HS6ST2: variants seen among roughly 807,000 people sequenced by gnomAD.
The protein encoded by HS6ST2 is heparan sulfate 6-O-sulfotransferase 2, also known as heparan-sulfate 6-O-sulfotransferase 2.
In HS6ST2, 17 loss-of-function variants were observed where a neutral mutation model predicts 33.0. That is an observed-to-expected ratio of 0.52 (90% CI 0.35 to 0.77). The LOEUF is 0.77. HS6ST2 is among the 30% of genes least tolerant of loss of function. The pLI, the probability that HS6ST2 is intolerant of heterozygous loss-of-function variation, is 0.01. For missense variants in HS6ST2, 519 were observed against 551.7 expected (o/e 0.94, Z 0.59); for synonymous variants, 248 against 237.1 (o/e 1.05, Z -0.42).
intron 2 of HS6ST2, among the ~76,000 whole-genome samples, chrX:132,923,541 T>C (rs973402142): frequency 2.7e-5 from 3 of 112,147 alleles, no homozygotes; most frequent in African/African-American, 9.7e-5. Context: ...CCCCCAGTGA[T>C]GTATTTTCTG....
At chrX:132,934,069 TAAAATAATAATGTAATAATAAC>T (rs1311815361) in intron 2 of HS6ST2, among the ~76,000 whole-genome samples, 3 of 74,831 alleles carry the variant, frequency 4.0e-5, no homozygotes, top group African/African-American at 1.8e-4. Flanking sequence ...AATGTAATAA[TAAAATAATAATGTAATAATAAC>T]AAAATACAGT....
At chrX:132,853,453 C>T (rs183592756) in intron 2 of HS6ST2, among the ~76,000 whole-genome samples, 139 of 110,220 alleles carry the variant, frequency 1.3e-3, no homozygotes, top group African/African-American at 4.3e-3. Flanking sequence ...GCCACCGCAC[C>T]CCACCCTACA....
At chrX:132,728,643 G>C (rs1051916133) in intron 2 of HS6ST2, among the ~76,000 whole-genome samples, 65 of 112,016 alleles carry the variant, frequency 5.8e-4, no homozygotes, top group Admixed American at 5.7e-4. Context: ...CCCAGGAGGT[G>C]ATTTTATAAA....
intron 2 of HS6ST2, among the ~76,000 whole-genome samples, chrX:132,779,388 G>A (rs979457785): frequency 4.5e-5 from 5 of 111,651 alleles, no homozygotes; most frequent in Non-Finnish European, 7.5e-5. Flanking sequence ...ATTTGCACTG[G>A]ATGCAAATAT....
intron 3 of HS6ST2, among the ~76,000 whole-genome samples, chrX:132,703,933 C>CA (rs894945673): frequency 7.3e-5 from 8 of 109,413 alleles, no homozygotes; most frequent in South Asian, 7.8e-4. Flanking sequence ...CTGCATATAA[C>CA]AAAAAAAAAT....
intron 2 of HS6ST2, among the ~76,000 whole-genome samples, chrX:132,842,212 G>T (rs1300373371): frequency 9.0e-6 from 1 of 111,416 alleles, no homozygotes; most frequent in Non-Finnish European, 1.9e-5. Context: ...ACAAACAACA[G>T]CTCAGGCTGG....
At chrX:132,811,659 T>C (rs1232150738) in intron 2 of HS6ST2, among the ~76,000 whole-genome samples, 2 of 60,025 alleles carry the variant, frequency 3.3e-5, no homozygotes, top group Non-Finnish European at 5.7e-5. Flanking sequence ...TGTAGCTGTG[T>C]CAGAACTTTG....
intron 2 of HS6ST2, among the ~76,000 whole-genome samples, chrX:132,741,747 T>A (rs2064582925): frequency 9.0e-6 from 1 of 111,653 alleles, no homozygotes; most frequent in South Asian, 3.7e-4. Flanking sequence ...ATACTGCCAC[T>A]GTTGTTATTA....
chrX:132,647,694 G>T (rs1287856073), intron 4 of HS6ST2, among the ~76,000 whole-genome samples: 1 of 112,414 alleles, frequency 8.9e-6, no homozygotes, highest in Non-Finnish European at 1.9e-5. Flanking sequence ...AAGCCAAGTT[G>T]TTGGATGCAA....
At chrX:132,946,775 T>C (rs2066961525) in intron 2 of HS6ST2, among the ~76,000 whole-genome samples, 1 of 111,779 alleles carries the variant, frequency 8.9e-6, no homozygotes, top group Non-Finnish European at 1.9e-5. Flanking sequence ...TATTAAAAAA[T>C]CTACCTCAGA....
At chrX:132,960,553 G>A (rs2067135742), upstream of HS6ST2, among the ~76,000 whole-genome samples, 1 of 87,928 alleles carries the variant, frequency 1.1e-5, no homozygotes, top group Non-Finnish European at 2.2e-5. Context: ...AGGGAAGGGG[G>A]AGGTGGTAAA....
Position 132,939,112 on chromosome X carries a change from G to A in HS6ST2, c.947+17696C>T, listed in dbSNP as rs913563656. 9.9e-5 allele frequency among the ~76,000 whole-genome samples: 11 copies of A among 110,974 alleles called. No individual in the cohort carries two copies. The East Asian group carries it at 2.6e-3, about 26-fold the overall frequency. ...TGTCATGTGACCTCATTATCACAGG[G>A]AGGGCACTGAGCCTTTCATGAGAGA... On this transcript the variant is annotated intron_variant, in intron 2 of 4. Coordinates refer to ENST00000370833, the MANE Select transcript of HS6ST2 (RefSeq NM_001394073.1).
chrX:132,641,178 C>T (rs2063599053), intron 4 of HS6ST2, among the ~76,000 whole-genome samples: 1 of 112,771 alleles, frequency 8.9e-6, no homozygotes, highest in Admixed American at 9.3e-5. Context: ...CAGTCTCGCT[C>T]TGTCTCCTAG....
At chrX:132,884,770 A>G (rs1392958881) in intron 2 of HS6ST2, among the ~76,000 whole-genome samples, 1 of 111,688 alleles carries the variant, frequency 9.0e-6, no homozygotes, top group Non-Finnish European at 1.9e-5. Flanking sequence ...GTAGACTAAC[A>G]GCATGGACTC....
chrX:132,652,475 C>A (rs1370557764), intron 4 of HS6ST2, among the ~76,000 whole-genome samples: 1 of 111,749 alleles, frequency 8.9e-6, no homozygotes, highest in South Asian at 3.8e-4. Flanking sequence ...ATAGACTGTT[C>A]TAGGAATTGG....
At chrX:132,869,426 A>G (rs1321193734) in intron 2 of HS6ST2, among the ~76,000 whole-genome samples, 1 of 112,113 alleles carries the variant, frequency 8.9e-6, no homozygotes, top group Non-Finnish European at 1.9e-5. Context: ...TGAGGCCAGC[A>G]TCAACCTGAT....
At chrX:132,865,881 C>G (rs987731235) in intron 2 of HS6ST2, among the ~76,000 whole-genome samples, 3 of 110,944 alleles carry the variant, frequency 2.7e-5, no homozygotes, top group Non-Finnish European at 3.8e-5. Context: ...GGATATTAGC[C>G]CTTTGTCAGA....
intron 2 of HS6ST2, among the ~76,000 whole-genome samples, chrX:132,948,567 A>G (rs1430893945): frequency 8.9e-6 from 1 of 112,459 alleles, no homozygotes; most frequent in Admixed American, 9.5e-5. Flanking sequence ...AATGTGTCAA[A>G]GTCTTCAGCA....
At chrX:132,784,326 T>C (rs2065041746) in intron 2 of HS6ST2, among the ~76,000 whole-genome samples, 1 of 111,314 alleles carries the variant, frequency 9.0e-6, no homozygotes, top group African/African-American at 3.3e-5. Flanking sequence ...TTTGTTTGTT[T>C]GTTGAGGCAG....
Sources: allele counts gnomAD v4.1 joint callset (sites outside exome capture counted in the v4.1 genomes callset), GRCh38; gene constraint gnomAD v4.1.1; transcripts MANE v1.5; gene names NCBI Gene and HGNC (gene_info 2026-07-23, HGNC 2026-07-21).